XKR4: variants seen among roughly 807,000 people sequenced by gnomAD.
XKR4 encodes XK related 4.
A neutral mutation model predicts 53.9 loss-of-function variants in XKR4; 12 were observed. That is an observed-to-expected ratio of 0.22 (90% CI 0.14 to 0.36). The LOEUF (loss-of-function observed/expected upper bound fraction) is 0.36, where lower values mean the gene tolerates loss of function less well. Among genes scored for constraint, XKR4 ranks in the 10% least tolerant of loss-of-function variants. XKR4 has a pLI of 1.00. For missense variants in XKR4, 799 were observed against 859.5 expected, an observed-to-expected ratio of 0.93 and a Z score of 0.88; for synonymous variants, 354 against 362.4, an observed-to-expected ratio of 0.98 and a Z score of 0.26.
chr8:55,535,486 T>C lies in XKR4; in HGVS notation c.*11259T>C, dbSNP rs1280460341. ...CTAACAAGTTAAAGAAAATGTTCAT[T>C]TTCTGAACCCCAGAGCCCACATAGG... On this transcript the variant is annotated 3_prime_UTR_variant, in exon 3 of 3. Coordinates refer to ENST00000327381, the MANE Select transcript of XKR4 (RefSeq NM_052898.2). 2.0e-5 allele frequency: 3 copies of C among 151,334 alleles called. No individual in the cohort carries two copies. Among genetic ancestry groups the C allele is most frequent in the African/African-American group, 4.9e-5 (2 of 41,180 alleles). The allele number at this position is 151,334 out of a possible 1,614,324, so 9.4% of individuals were successfully genotyped here.
rs11354906 is a variant in XKR4, at chr8:55,139,673, G to GTT, written c.806+36389_806+36390dup. On this transcript the variant is annotated intron_variant, in intron 1 of 2. Coordinates refer to ENST00000327381, the MANE Select transcript of XKR4 (RefSeq NM_052898.2). ...TAATGTTAAAAAGAGAATAGTAGCT[G>GTT]TTTTTTTTTTTAACAATGCTTAATT... Among the ~76,000 whole-genome samples, 608 of 149,950 alleles carry GTT rather than the reference G, an allele frequency of 4.1e-3. 1 individual carries two copies. Among genetic ancestry groups the GTT allele is most frequent in the African/African-American group, 0.01 (426 of 40,984 alleles).
intron 1 of XKR4, among the ~76,000 whole-genome samples, chr8:55,339,289 A>G (rs1803508101): frequency 6.6e-6 from 1 of 152,168 alleles, no homozygotes; most frequent in Non-Finnish European, 1.5e-5. Context: ...TTTACACGTG[A>G]TCTAACCCCC....
chr8:55,179,718 GT>G (rs1817281903), intron 1 of XKR4, among the ~76,000 whole-genome samples: 1 of 152,058 alleles, frequency 6.6e-6, no homozygotes, highest in African/African-American at 2.4e-5. Context: ...CTTTACTTTG[GT>G]TTCTTGGAGT....
At chr8:55,452,405 G>T (rs1047507464) in intron 2 of XKR4, 2 of 624,596 alleles carry the variant, frequency 3.2e-6, no homozygotes, top group Non-Finnish European at 5.8e-6. Context: ...GGAAGAGGGC[G>T]CCCTCAGCTG....
At chr8:55,509,385 TC>T (rs1281253443) in intron 2 of XKR4, among the ~76,000 whole-genome samples, 1 of 152,240 alleles carries the variant, frequency 6.6e-6, no homozygotes, top group African/African-American at 2.4e-5. Flanking sequence ...TTCCATCTTG[TC>T]CTTTGTTTCA....
chr8:55,324,728 G>A (rs1803268728), intron 1 of XKR4, among the ~76,000 whole-genome samples: 1 of 152,158 alleles, frequency 6.6e-6, no homozygotes, highest in Admixed American at 6.5e-5. Flanking sequence ...TCTAATTTCT[G>A]TAGGAAGAGG....
chr8:55,415,420 A>C (rs184389441), intron 2 of XKR4, among the ~76,000 whole-genome samples: 164 of 152,354 alleles, frequency 1.1e-3, no homozygotes, highest in African/African-American at 3.8e-3. Context: ...AGCTAAATAC[A>C]TAACAGCAAA....
rs753165731 is a variant in XKR4 at position 55,523,963 on chromosome 8, C to T, written c.1689C>T (p.Phe563=). The part of the protein sequence containing the change: ...RSVVSDRDQK[F]AERDGCVPVF... ...TTGTCAGCGACCGCGATCAGAAATT[C>T]GCAGAGCGGGATGGGTGTGTACCTG... The change falls in exon 3 of 3, where the codon TTC becomes TTT. Residue 563 remains phenylalanine (F), a synonymous_variant. Transcript: ENST00000327381. 6.2e-7 allele frequency: 1 copy of T among 1,614,178 alleles called. No homozygotes were observed. The highest frequency in any genetic ancestry group is 8.5e-7 in the Non-Finnish European group (1 of 1,180,040).
intron 1 of XKR4, among the ~76,000 whole-genome samples, chr8:55,146,361 G>A (rs1213063623): frequency 6.6e-6 from 1 of 152,194 alleles, no homozygotes; most frequent in African/African-American, 2.4e-5. Flanking sequence ...CTAAAAGAAT[G>A]TTCTTACATA....
At chr8:55,514,715 T>C (rs1179071087) in intron 2 of XKR4, among the ~76,000 whole-genome samples, 1 of 152,120 alleles carries the variant, frequency 6.6e-6, no homozygotes, top group African/African-American at 2.4e-5. Flanking sequence ...TTTTTAAACG[T>C]GGGATGGAAA....
At chr8:55,499,150 T>A (rs1204216671) in intron 2 of XKR4, among the ~76,000 whole-genome samples, 2 of 152,208 alleles carry the variant, frequency 1.3e-5, no homozygotes, top group African/African-American at 4.8e-5. Context: ...TAGATAGTAA[T>A]CTTATAGAAA....
chr8:55,174,532 T>C (rs1201742805), intron 1 of XKR4, among the ~76,000 whole-genome samples: 1 of 152,104 alleles, frequency 6.6e-6, no homozygotes, highest in African/African-American at 2.4e-5. Flanking sequence ...GAATATCTAA[T>C]TGAACATTTC....
intron 2 of XKR4, among the ~76,000 whole-genome samples, chr8:55,478,387 C>T (rs1806038539): frequency 6.6e-6 from 1 of 152,000 alleles, no homozygotes; most frequent in African/African-American, 2.4e-5. Context: ...CCTAAAAGAG[C>T]TCCTGAAGGA....
chr8:55,297,166 T>C (rs1243503361), intron 1 of XKR4, among the ~76,000 whole-genome samples: 3 of 152,088 alleles, frequency 2.0e-5, no homozygotes, highest in Non-Finnish European at 4.4e-5. Flanking sequence ...AACAGACAAT[T>C]CCAACATGCT....
At chr8:55,323,789 A>C (rs1393744798) in intron 1 of XKR4, among the ~76,000 whole-genome samples, 3 of 151,960 alleles carry the variant, frequency 2.0e-5, no homozygotes, top group African/African-American at 7.3e-5. Context: ...CCCCTCTCCA[A>C]GTCTTTTTTT....
intron 1 of XKR4, among the ~76,000 whole-genome samples, chr8:55,201,080 G>A (rs1297393219): frequency 6.6e-6 from 1 of 152,048 alleles, no homozygotes; most frequent in African/African-American, 2.4e-5. Flanking sequence ...TTTTTTTAAG[G>A]ATATGTATTG....
At chr8:55,467,152 T>G (rs1805787641) in intron 2 of XKR4, among the ~76,000 whole-genome samples, 2 of 152,128 alleles carry the variant, frequency 1.3e-5, no homozygotes, top group South Asian at 4.1e-4. Context: ...TACAGAACTG[T>G]CAGCTCCTAG....
chr8:55,170,982 A>G (rs974108423), intron 1 of XKR4, among the ~76,000 whole-genome samples: 3 of 151,822 alleles, frequency 2.0e-5, no homozygotes, highest in African/African-American at 7.3e-5. Flanking sequence ...TTTCCTGCCA[A>G]CTCCCCTGTG....
At chr8:55,391,175 G>A (rs1274937823) in intron 2 of XKR4, among the ~76,000 whole-genome samples, 1 of 152,176 alleles carries the variant, frequency 6.6e-6, no homozygotes, top group African/African-American at 2.4e-5. Flanking sequence ...CCCATGTATG[G>A]CTGATGGGAT....
Sources: gnomAD v4.1 joint callset for allele counts (sites outside exome capture counted in the v4.1 genomes callset) on GRCh38, gnomAD v4.1.1 for gene constraint, MANE v1.5 for transcripts, NCBI Gene and HGNC (gene_info 2026-07-23, HGNC 2026-07-21) for gene names.